ANK3: variants seen among roughly 807,000 people sequenced by gnomAD.
ANK3 encodes the protein ankyrin-3.
In ANK3, 57 loss-of-function variants were observed where a neutral mutation model predicts 370.9. The observed-to-expected ratio is 0.15, with a 90% confidence interval of 0.12 to 0.19. The LOEUF (loss-of-function observed/expected upper bound fraction) is 0.19, where lower values mean the gene tolerates loss of function less well. ANK3 is among the 10% of genes least tolerant of loss of function. The pLI is 1.00. For missense variants in ANK3, 4,439 were observed against 5,302.1 expected, an observed-to-expected ratio of 0.84 and a Z score of 5.06; for synonymous variants, 1,929 against 1,946.3, an observed-to-expected ratio of 0.99 and a Z score of 0.23.
intron 2 of ANK3, among the ~76,000 whole-genome samples, chr10:60,597,960 T>G (rs2078010885): frequency 6.6e-6 from 1 of 152,198 alleles, no homozygotes; most frequent in African/African-American, 2.4e-5. Flanking sequence ...CTTCACATAA[T>G]AAAATAGCTC....
rs555497105 is a variant in ANK3 at position 60,348,152 on chromosome 10, A to G, written c.114+41273T>C. 7.2e-5 allele frequency among the ~76,000 whole-genome samples: 11 copies of G among 152,154 alleles called. 1 individual carries two copies. The East Asian group carries it at 1.7e-3, about 24-fold the overall frequency. ...GATGAGGATGGATCACAAATTCTTT[A>G]AAGGGCCAAAGGAGGCTCCTCCATC... On this transcript the variant is annotated intron_variant, in intron 1 of 43. Coordinates refer to ENST00000280772, the MANE Select transcript of ANK3 (RefSeq NM_020987.5).
chr10:60,208,321 A>G lies in ANK3; in HGVS notation c.997-88T>C, dbSNP rs2096795310. 12 of 1,166,780 alleles carry G rather than the reference A, an allele frequency of 1.0e-5. No individual in the cohort carries two copies. In the South Asian group the frequency reaches 1.6e-4, roughly 16 times the overall value. 72.3% of individuals were successfully genotyped at this position (1,166,780 alleles called of 1,614,324 possible). A position where few individuals can be genotyped will look rare whatever the true frequency, so the allele number is the denominator to read the frequency against. On this transcript the variant is annotated intron_variant, in intron 9 of 43. Transcript: ENST00000280772. ...CAAAGTGCAAATATAAACAGATAAA[A>G]ACTCCAGTTCTTCACATGAAAATAC...
At chr10:60,291,902 C>T (rs551421084) in intron 1 of ANK3, among the ~76,000 whole-genome samples, 10 of 152,172 alleles carry the variant, frequency 6.6e-5, no homozygotes, top group South Asian at 2.1e-4. Flanking sequence ...TCAGTAGAGA[C>T]GGAGTTTTGC....
At chr10:60,502,537 G>A (rs371216613) in intron 2 of ANK3, among the ~76,000 whole-genome samples, 6 of 152,076 alleles carry the variant, frequency 3.9e-5, no homozygotes, top group East Asian at 1.9e-4. Flanking sequence ...AGCTCTTGTC[G>A]GGCATGATGG....
chr10:60,058,029 C>G (rs1038597309), intron 41 of ANK3, among the ~76,000 whole-genome samples: 1 of 152,126 alleles, frequency 6.6e-6, no homozygotes, highest in Non-Finnish European at 1.5e-5. Flanking sequence ...CCAATTTAAT[C>G]ACTAGCTGGC....
chr10:60,686,378 C>A (rs1400409172), intron 1 of ANK3, among the ~76,000 whole-genome samples: 2 of 152,054 alleles, frequency 1.3e-5, no homozygotes, highest in East Asian at 3.8e-4. Flanking sequence ...AATTTAGAAA[C>A]CTCATTATTT....
chr10:60,472,027 A>T (rs2065231966), intron 2 of ANK3, among the ~76,000 whole-genome samples: 1 of 152,160 alleles, frequency 6.6e-6, no homozygotes, highest in Admixed American at 6.6e-5. Context: ...GGGGAAATTT[A>T]ATAGAAAAAG....
chr10:60,491,301 G>A (rs1211294759), intron 2 of ANK3, among the ~76,000 whole-genome samples: 4 of 152,130 alleles, frequency 2.6e-5, no homozygotes, highest in Admixed American at 1.3e-4. Context: ...GTGAGGGATC[G>A]ACCTAGGTGA....
chr10:60,292,278 T>C (rs1308514310), intron 1 of ANK3, among the ~76,000 whole-genome samples: 1 of 152,168 alleles, frequency 6.6e-6, no homozygotes, highest in African/African-American at 2.4e-5. Flanking sequence ...CCAGACTATT[T>C]TGAAACCTCC....
chr10:60,395,722 G>A (rs751460459), intron 2 of ANK3, among the ~76,000 whole-genome samples: 4 of 151,898 alleles, frequency 2.6e-5, no homozygotes, highest in South Asian at 2.1e-4. Context: ...AGAAGCATTC[G>A]TGTGCTCATG....
At chr10:60,562,704 G>A (rs945832276) in intron 2 of ANK3, among the ~76,000 whole-genome samples, 1 of 152,088 alleles carries the variant, frequency 6.6e-6, no homozygotes, top group South Asian at 2.1e-4. Context: ...GAGGTTGAAA[G>A]AAATTTCTAG....
rs535775688 is a variant in ANK3, at chr10:60,073,593, T to G, written c.7288A>C (p.Ile2430Leu). 1 of 1,614,044 alleles carries G rather than the reference T, an allele frequency of 6.2e-7. No individual in the cohort carries two copies. The highest frequency in any genetic ancestry group is 1.7e-5 in the Admixed American group (1 of 60,004). The change falls in exon 37 of 44, where the codon ATA (isoleucine) becomes CTA (leucine). Residue 2430 changes from isoleucine (I) to leucine (L), a missense_variant. Transcript: ENST00000280772. ...EDSRPSSAQL[I>L]SDDSYKTLKL... ...AATGTTTTATAAGAGTCATCAGATA[T>G]GAGTTGAGCAGAACTAGGGCGGCTA...
intron 1 of ANK3, among the ~76,000 whole-genome samples, chr10:60,282,067 C>T (rs1173924461): frequency 6.6e-6 from 1 of 152,160 alleles, no homozygotes; most frequent in African/African-American, 2.4e-5. Context: ...TGGCTCATTG[C>T]ACCGTAAAAT....
chr10:60,727,476 T>C (rs1017943052), intron 1 of ANK3, among the ~76,000 whole-genome samples: 14 of 152,138 alleles, frequency 9.2e-5, no homozygotes, highest in Non-Finnish European at 1.5e-5. Flanking sequence ...TTGGCAAAAA[T>C]ATTCTATTGT....
intron 2 of ANK3, among the ~76,000 whole-genome samples, chr10:60,488,896 T>C (rs2075418888): frequency 6.6e-6 from 1 of 152,234 alleles, no homozygotes; most frequent in East Asian, 1.9e-4. Flanking sequence ...ATCAAATAAT[T>C]AATCTTATTT....
chr10:60,446,428 C>G (rs191108028), intron 2 of ANK3, among the ~76,000 whole-genome samples: 26 of 152,282 alleles, frequency 1.7e-4, no homozygotes, highest in African/African-American at 3.1e-4. Context: ...GTGAGCCCCC[C>G]CTTCCTCTTC....
At chr10:60,176,683 C>T (rs987845457) in intron 18 of ANK3, among the ~76,000 whole-genome samples, 1 of 151,968 alleles carries the variant, frequency 6.6e-6, no homozygotes, top group African/African-American at 2.4e-5. Flanking sequence ...CGCCTGAATC[C>T]GGGAGGTAGA....
intron 38 of ANK3, among the ~76,000 whole-genome samples, chr10:60,065,700 G>A (rs1484494276): frequency 6.6e-6 from 1 of 152,144 alleles, no homozygotes; most frequent in African/African-American, 2.4e-5. Context: ...ATATATCATG[G>A]TGTTTACATA....
At chr10:60,222,154 T>G (rs2097070701) in intron 8 of ANK3, among the ~76,000 whole-genome samples, 2 of 152,204 alleles carry the variant, frequency 1.3e-5, no homozygotes, top group South Asian at 4.1e-4. Context: ...CAAAGGCATG[T>G]AGCTCTTCAA....
Sources: gnomAD v4.1 joint callset for allele counts (sites outside exome capture counted in the v4.1 genomes callset) on GRCh38, gnomAD v4.1.1 for gene constraint, MANE v1.5 for transcripts, NCBI Gene and HGNC (gene_info 2026-07-23, HGNC 2026-07-21) for gene names.